MCUB: variants seen among roughly 807,000 people sequenced by gnomAD.
MCUB encodes calcium uniporter regulatory subunit MCUb, mitochondrial.
MCUB carries 46 observed loss-of-function variants against 41.4 expected under a neutral mutation model. The ratio of observed to expected loss-of-function variants is 1.11; its 90% CI spans 0.88 to 1.42. The LOEUF (loss-of-function observed/expected upper bound fraction) is 1.42, where lower values mean the gene tolerates loss of function less well. MCUB is among the 40% of genes most tolerant of loss of function. The pLI is 0.00. For missense variants in MCUB, 403 were observed against 404.9 expected (o/e 1.00, Z 0.04); for synonymous variants, 148 against 148.2 (o/e 1.00, Z 0.01).
chr4:109,560,471 T>G, intron 1 of MCUB, 35 bp downstream of exon 1: 1 of 1,034,470 alleles, frequency 9.7e-7, no homozygotes, highest in Non-Finnish European at 1.3e-6. Flanking sequence ...GGGTTCGGGG[T>G]AGGCTGGTGC....
intron 1 of MCUB, among the ~76,000 whole-genome samples, chr4:109,652,626 C>T (rs1487293932): frequency 6.6e-6 from 1 of 152,098 alleles, no homozygotes; most frequent in African/African-American, 2.4e-5. Flanking sequence ...GCCTCAGGCC[C>T]TTTTATAATT....
rs770423064 is a variant in MCUB at position 109,687,552 on chromosome 4, GT to G, written c.974del (p.Leu325CysfsTer5). The G allele has an allele frequency of 2.5e-6, 4 of 1,612,638 alleles. No individual in the cohort carries two copies. ...CTGAAACAGGCGCGTCATTCTCTCT[GT>G]TTGCAAATGCAAGTAGAAGAACTCA... ...ESLKQARHSL[C>X]LQMQVEELNE... is the part of the protein sequence containing the mutation. On this transcript the variant is annotated frameshift_variant, in exon 8 of 8. Coordinates refer to ENST00000394650, the MANE Select transcript of MCUB (RefSeq NM_017918.5). LOFTEE classifies it high-confidence loss of function.
At chr4:109,676,272 C>G (rs1729576360) in intron 4 of MCUB, among the ~76,000 whole-genome samples, 2 of 152,138 alleles carry the variant, frequency 1.3e-5, no homozygotes, top group Non-Finnish European at 2.9e-5. Context: ...GGTGTGGTGA[C>G]TCGCACCTAT....
intron 1 of MCUB, among the ~76,000 whole-genome samples, chr4:109,575,536 T>C (rs997494983): frequency 1.3e-5 from 2 of 152,184 alleles, no homozygotes; most frequent in Non-Finnish European, 2.9e-5. Flanking sequence ...TTCGTTTAAT[T>C]AGTTTATTCA....
intron 1 of MCUB, among the ~76,000 whole-genome samples, chr4:109,567,751 T>TG (rs1726816112): frequency 6.6e-6 from 1 of 151,924 alleles, no homozygotes; most frequent in African/African-American, 2.4e-5. Context: ...CAGGCTGTAG[T>TG]GCAGTGGCAC....
chr4:109,567,923 T>C (rs1033982555), intron 1 of MCUB, among the ~76,000 whole-genome samples: 2 of 152,150 alleles, frequency 1.3e-5, no homozygotes, highest in Non-Finnish European at 2.9e-5. Flanking sequence ...GGTCTTGAAC[T>C]GCTGACCTCA....
intron 1 of MCUB, among the ~76,000 whole-genome samples, chr4:109,562,954 A>G (rs751524374): frequency 5.3e-5 from 8 of 152,244 alleles, no homozygotes; most frequent in Non-Finnish European, 1.2e-4. Context: ...GAAGCGTAGT[A>G]GAGCAAGAGC....
At chr4:109,611,267 A>G (rs1347520337) in intron 1 of MCUB, among the ~76,000 whole-genome samples, 6 of 152,162 alleles carry the variant, frequency 3.9e-5, no homozygotes. Context: ...GCACTTTGGA[A>G]CTTAGCCCAG....
intron 1 of MCUB, among the ~76,000 whole-genome samples, chr4:109,630,445 C>A (rs735642): frequency 0.71 from 107,257 of 151,988 alleles, 38,440 homozygotes; most frequent in African/African-American, 0.82. Context: ...CTGGGTGACA[C>A]AGTGAGACCC....
chr4:109,579,839 A>C (rs1026663600), intron 1 of MCUB, among the ~76,000 whole-genome samples: 2 of 152,250 alleles, frequency 1.3e-5, no homozygotes, highest in African/African-American at 4.8e-5. Flanking sequence ...ATTATATTAG[A>C]GAAGAAATAA....
At chr4:109,584,128 C>T (rs1381904866) in intron 1 of MCUB, among the ~76,000 whole-genome samples, 1 of 152,090 alleles carries the variant, frequency 6.6e-6, no homozygotes, top group African/African-American at 2.4e-5. Context: ...AATTTCAGAA[C>T]CTCTTATTGG....
chr4:109,663,588 C>G (rs927971822), intron 3 of MCUB, among the ~76,000 whole-genome samples: 1 of 152,076 alleles, frequency 6.6e-6, no homozygotes, highest in African/African-American at 2.4e-5. Context: ...TTTTTTCAAG[C>G]TTGAAAGGAA....
intron 1 of MCUB, among the ~76,000 whole-genome samples, chr4:109,585,515 CGTTA>C (rs1052381523): frequency 3.0e-4 from 46 of 152,190 alleles, no homozygotes; most frequent in African/African-American, 1.1e-3. Flanking sequence ...TTATTTTACC[CGTTA>C]GTTGATGCAG....
chr4:109,591,182 A>T (rs913592744), intron 1 of MCUB, among the ~76,000 whole-genome samples: 2 of 148,984 alleles, frequency 1.3e-5, no homozygotes, highest in Non-Finnish European at 1.5e-5. Flanking sequence ...AAATGTTAAA[A>T]TTCTTTTTTT....
intron 1 of MCUB, among the ~76,000 whole-genome samples, chr4:109,598,675 A>G (rs935435909): frequency 1.3e-5 from 2 of 152,258 alleles, no homozygotes; most frequent in Middle Eastern, 3.4e-3. Flanking sequence ...TTCTCTTTCA[A>G]TTATGATCTG....
At chr4:109,680,246 G>A (rs1729686702) in intron 4 of MCUB, among the ~76,000 whole-genome samples, 1 of 152,142 alleles carries the variant, frequency 6.6e-6, no homozygotes, top group South Asian at 2.1e-4. Flanking sequence ...CTGTCATAAG[G>A]TATGAGAAGT....
chr4:109,685,440 G>A, intron 7 of MCUB, 73 bp downstream of exon 7: 1 of 649,576 alleles, frequency 1.5e-6, no homozygotes, highest in South Asian at 2.0e-5. Context: ...TATAACTGGT[G>A]GCTCATCCTC....
chr4:109,569,337 C>T (rs1239825876), intron 1 of MCUB, among the ~76,000 whole-genome samples: 5 of 152,036 alleles, frequency 3.3e-5, no homozygotes, highest in East Asian at 1.9e-4. Flanking sequence ...TTAGCCACTG[C>T]GCCTGGCCAT....
intron 1 of MCUB, among the ~76,000 whole-genome samples, chr4:109,590,700 G>A (rs1727416174): frequency 1.3e-5 from 2 of 152,016 alleles, no homozygotes; most frequent in Admixed American, 6.6e-5. Flanking sequence ...TTCAGTTTTA[G>A]GCATTTTCTG....
Sources: allele counts gnomAD v4.1 joint callset (sites outside exome capture counted in the v4.1 genomes callset), GRCh38; gene constraint gnomAD v4.1.1; transcripts MANE v1.5; gene names NCBI Gene and HGNC (gene_info 2026-07-23, HGNC 2026-07-21).